PHLPP1: variants seen among roughly 807,000 people sequenced by gnomAD.
PHLPP1 encodes the protein PH domain leucine-rich repeat-containing protein phosphatase 1.
Under a neutral mutation model 117.2 loss-of-function variants are expected in PHLPP1, and 42 were observed. That is an observed-to-expected ratio of 0.36 (90% CI 0.28 to 0.46). The LOEUF is 0.46. Ranked by LOEUF, PHLPP1 falls within the 20% of genes least tolerant of loss-of-function variation. PHLPP1 has a pLI of 1.00. For synonymous variants in PHLPP1, 1,042 were observed against 970.7 expected (o/e 1.07, Z -1.37); for missense variants, 2,084 against 2,241.9 (o/e 0.93, Z 1.42).
intron 1 of PHLPP1, among the ~76,000 whole-genome samples, chr18:62,762,334 A>C (rs1376554171): frequency 6.7e-5 from 10 of 149,276 alleles, no homozygotes; most frequent in Admixed American, 6.7e-4. Flanking sequence ...TCTTTCTGTA[A>C]TTATTAAAAA....
intron 2 of PHLPP1, among the ~76,000 whole-genome samples, chr18:62,831,963 C>G (rs1283019418): frequency 6.6e-6 from 1 of 152,186 alleles, no homozygotes; most frequent in Admixed American, 6.5e-5. Context: ...GAGTTAGTGA[C>G]TGATATACTA....
chr18:62,721,575 GCTTT>G (rs1253963182), intron 1 of PHLPP1, among the ~76,000 whole-genome samples: 1 of 151,970 alleles, frequency 6.6e-6, no homozygotes. Flanking sequence ...TTTTAATGAT[GCTTT>G]CTTGATGTTA....
intron 1 of PHLPP1, among the ~76,000 whole-genome samples, chr18:62,822,887 C>T (rs1914508166): frequency 6.6e-6 from 1 of 152,128 alleles, no homozygotes; most frequent in South Asian, 2.1e-4. Flanking sequence ...ATTGCAGGTA[C>T]CAAGGCAATT....
intron 1 of PHLPP1, among the ~76,000 whole-genome samples, chr18:62,814,057 A>G (rs1194292343): frequency 6.6e-6 from 1 of 152,182 alleles, no homozygotes; most frequent in Non-Finnish European, 1.5e-5. Flanking sequence ...AGTATTATAA[A>G]GAAAACTGTA....
intron 4 of PHLPP1, among the ~76,000 whole-genome samples, chr18:62,868,428 C>G (rs1915820413): frequency 6.6e-6 from 1 of 151,676 alleles, no homozygotes; most frequent in African/African-American, 2.4e-5. Context: ...TGTTGGCCAG[C>G]CTGGCCAACA....
At chr18:62,855,985 T>C (rs1467759345) in intron 3 of PHLPP1, among the ~76,000 whole-genome samples, 2 of 152,154 alleles carry the variant, frequency 1.3e-5, no homozygotes, top group African/African-American at 2.4e-5. Flanking sequence ...TCCTTTCCTT[T>C]ATGGAGCTTA....
chr18:62,844,813 G>A lies in PHLPP1; in HGVS notation c.1899+5904G>A, dbSNP rs565306956. 2.6e-5 allele frequency among the ~76,000 whole-genome samples: 4 copies of A among 152,284 alleles called. No homozygotes were observed. The East Asian group carries it at 5.8e-4, about 22-fold the overall frequency. ...ACCCAAGAAAATATGCAACACTTGT[G>A]GAAAAGGGCATATTGTGAGCTACGC... is the stretch of plus-strand genomic sequence containing the variant. On this transcript the variant is annotated intron_variant, in intron 3 of 16. Coordinates refer to ENST00000262719, the MANE Select transcript of PHLPP1 (RefSeq NM_194449.4).
chr18:62,767,473 A>G (rs1912586732), intron 1 of PHLPP1, among the ~76,000 whole-genome samples: 1 of 152,216 alleles, frequency 6.6e-6, no homozygotes, highest in Non-Finnish European at 1.5e-5. Flanking sequence ...GTTGGATTTG[A>G]TCCATTCTTC....
chr18:62,944,078 A>C (rs188848181), intron 11 of PHLPP1, among the ~76,000 whole-genome samples: 132 of 151,416 alleles, frequency 8.7e-4, no homozygotes, highest in African/African-American at 3.1e-3. Flanking sequence ...TTTTTTTGTT[A>C]AATTCTTTAA....
chr18:62,853,218 GA>G (rs1349498130), intron 3 of PHLPP1, among the ~76,000 whole-genome samples: 3 of 151,932 alleles, frequency 2.0e-5, no homozygotes, highest in South Asian at 2.1e-4. Flanking sequence ...AGTCATTTGG[GA>G]AAAAAAGAGA....
intron 10 of PHLPP1, among the ~76,000 whole-genome samples, chr18:62,940,457 T>C (rs1032857988): frequency 1.0e-4 from 14 of 139,336 alleles, no homozygotes; most frequent in African/African-American, 1.3e-4. Flanking sequence ...CTCTGCCTCC[T>C]GGGTTCACGC....
chr18:62,844,612 C>T (rs955762258), intron 3 of PHLPP1, among the ~76,000 whole-genome samples: 4 of 152,176 alleles, frequency 2.6e-5, no homozygotes, highest in African/African-American at 9.7e-5. Context: ...TTATTTCGCT[C>T]ACAACTATTT....
intron 10 of PHLPP1, among the ~76,000 whole-genome samples, chr18:62,931,878 G>GAAAAAAAAAAAAAAAAAA: frequency 1.3e-5 from 1 of 76,472 alleles, no homozygotes. Context: ...CTGGGCGACA[G>GAAAAAAAAAAAAAAAAAA]AAAAAAAAAA....
intron 9 of PHLPP1, among the ~76,000 whole-genome samples, chr18:62,918,859 A>G (rs1298265898): frequency 6.6e-6 from 1 of 152,200 alleles, no homozygotes; most frequent in Non-Finnish European, 1.5e-5. Flanking sequence ...ATCACAAAAA[A>G]AAAAAGATAA....
intron 1 of PHLPP1, among the ~76,000 whole-genome samples, chr18:62,829,468 C>T (rs149185209): frequency 2.2e-3 from 342 of 152,206 alleles, no homozygotes; most frequent in African/African-American, 6.2e-3. Flanking sequence ...AATAAAACTC[C>T]AACCCAGGCG....
intron 10 of PHLPP1, among the ~76,000 whole-genome samples, chr18:62,932,721 A>G (rs1909851714): frequency 6.6e-6 from 1 of 152,098 alleles, no homozygotes; most frequent in South Asian, 2.1e-4. Flanking sequence ...AAGTATGCCT[A>G]CTCTCACCAC....
In PHLPP1 at chr18:62,978,819, G is replaced by C. The variant is rs747156062; in HGVS notation, c.4542G>C (p.Gln1514His). Residue 1514 changes from glutamine (Q) to histidine (H), a missense_variant, in exon 17 of 17, where the codon CAG becomes CAC. By Grantham distance (24) the Gln-to-His change is conservative. Around this residue, in one of 2 missense-constraint regions of PHLPP1, gnomAD observed 1,365 missense variants for 1,605.9 expected, o/e 0.85. Transcript: ENST00000262719. This position sits in a 1 kb window ranked among gnomAD's most constrained non-coding sequence, Gnocchi z 7.0. ...ACAGCCCTGCCTACCCCAGTGAGCA[G>C]CGCTGCATGCTCCACCCCATCTGTC... ...SENSPAYPSE[Q>H]RCMLHPICLS... is the part of the protein sequence containing the mutation. The C allele has an allele frequency of 6.2e-7, 1 of 1,610,476 alleles. No homozygotes were observed. The highest frequency in any genetic ancestry group is 8.5e-7 in the Non-Finnish European group (1 of 1,178,432).
In PHLPP1 at chr18:62,978,537, G is replaced by C. The variant is rs200706959; in HGVS notation, c.4260G>C (p.Val1420=). ...GCHDSISAVV[V]QLSVTEDSFC... is the part of the protein sequence containing the mutation. Reference sequence around the variant, plus strand: ...ACGACAGCATCAGCGCTGTGGTGGTGCAGCTCAGTGTCACTGAGGACAGCT... The same window carrying C: ...ACGACAGCATCAGCGCTGTGGTGGTCCAGCTCAGTGTCACTGAGGACAGCT... Residue 1420 remains valine (V), a synonymous_variant, in exon 17 of 17, where the codon GTG becomes GTC. Transcript: ENST00000262719. This position sits in a 1 kb window ranked among gnomAD's most constrained non-coding sequence, Gnocchi z 7.0. The C allele has an allele frequency of 1.2e-5, 19 of 1,611,504 alleles. No homozygotes were observed. Among genetic ancestry groups the C allele is most frequent in the African/African-American group, 1.3e-5 (1 of 74,966 alleles).
intron 12 of PHLPP1, 26 bp downstream of exon 12, chr18:62,945,297 T>TA: frequency 6.4e-7 from 1 of 1,567,310 alleles, no homozygotes; most frequent in Non-Finnish European, 8.6e-7. Flanking sequence ...TCATAAACTC[T>TA]AAGCTTCAGG....
Sources: gnomAD v4.1 joint callset for allele counts (sites outside exome capture counted in the v4.1 genomes callset) on GRCh38, gnomAD v4.1.1 for gene constraint, gnomAD v4.1.1 regional missense constraint, Gnocchi (gnomAD v3.1) non-coding constraint, MANE v1.5 for transcripts, NCBI Gene and HGNC (gene_info 2026-07-23, HGNC 2026-07-21) for gene names.